ARHGEF18: variants seen among roughly 807,000 people sequenced by gnomAD.
ARHGEF18 encodes Rho/Rac guanine nucleotide exchange factor 18, also known as rho guanine nucleotide exchange factor 18.
A neutral mutation model predicts 155.7 loss-of-function variants in ARHGEF18; 93 were observed. That is an observed-to-expected ratio of 0.60 (90% confidence interval 0.50 to 0.71). The LOEUF (loss-of-function observed/expected upper bound fraction) is 0.71, where lower values mean the gene tolerates loss of function less well. ARHGEF18 is among the 30% of genes least tolerant of loss of function. The pLI is 0.00. For missense variants in ARHGEF18, 1,593 were observed against 1,816.1 expected (o/e 0.88, Z 2.23); for synonymous variants, 742 against 753.1 (o/e 0.99, Z 0.24).
chr19:7,451,367 C>A, intron 16 of ARHGEF18, 101 bp downstream of exon 16: 3 of 959,680 alleles, frequency 3.1e-6, no homozygotes, highest in South Asian at 3.3e-5. Flanking sequence ...AATAAATTCC[C>A]TTTGAAATCC....
At chr19:7,407,531 G>C (rs1338588943) in intron 10 of ARHGEF18, among the ~76,000 whole-genome samples, 1 of 152,044 alleles carries the variant, frequency 6.6e-6, no homozygotes, top group East Asian at 1.9e-4. Flanking sequence ...ACTTTGCACA[G>C]CGAATCCACT....
chr19:7,375,445 G>GAAAGA (rs1970416988), intron 3 of ARHGEF18, among the ~76,000 whole-genome samples: 3 of 147,886 alleles, frequency 2.0e-5, no homozygotes, highest in South Asian at 2.1e-4. Context: ...GAAAAGAAAA[G>GAAAGA]AAAGAAAAGA....
chr19:7,399,017 C>T (rs951085144), intron 10 of ARHGEF18, among the ~76,000 whole-genome samples: 21 of 152,218 alleles, frequency 1.4e-4, no homozygotes, highest in African/African-American at 5.1e-4. Flanking sequence ...TCTCTTCAAA[C>T]TCTATGACTT....
intron 10 of ARHGEF18, among the ~76,000 whole-genome samples, chr19:7,427,150 G>A (rs1226523209): frequency 1.3e-5 from 2 of 152,132 alleles, no homozygotes; most frequent in South Asian, 2.1e-4. Context: ...CAGGAAAGGC[G>A]CACACAGGAT....
chr19:7,454,133 A>G (rs1166986474), intron 17 of ARHGEF18, among the ~76,000 whole-genome samples: 1 of 146,138 alleles, frequency 6.8e-6, no homozygotes, highest in Non-Finnish European at 1.5e-5. Flanking sequence ...ACCATATTGG[A>G]TTGGTGGGTG....
intron 15 of ARHGEF18, among the ~76,000 whole-genome samples, chr19:7,450,322 G>A (rs1975297470): frequency 6.6e-6 from 1 of 152,130 alleles, no homozygotes; most frequent in Non-Finnish European, 1.5e-5. Context: ...GTTAATACAG[G>A]ATCTTGCTGT....
intron 2 of ARHGEF18, among the ~76,000 whole-genome samples, chr19:7,369,854 G>A (rs1970119960): frequency 6.6e-6 from 1 of 152,068 alleles, no homozygotes; most frequent in African/African-American, 2.4e-5. Flanking sequence ...ATGCAATTGT[G>A]CCACTGCACT....
intron 10 of ARHGEF18, among the ~76,000 whole-genome samples, chr19:7,397,457 T>C (rs1281629377): frequency 6.6e-6 from 1 of 150,926 alleles, no homozygotes; most frequent in Non-Finnish European, 1.5e-5. Context: ...TTGGGCCGGG[T>C]GCGGTGGCTC....
downstream of ARHGEF18, chr19:7,477,205 G>A (rs750342368): frequency 5.4e-5 from 81 of 1,493,096 alleles, no homozygotes; most frequent in Non-Finnish European, 6.1e-5. Flanking sequence ...GGCAGTGTCA[G>A]GGGGTAGTGG....
chr19:7,372,696 T>TG (rs1970260195), intron 2 of ARHGEF18, 116 bp from the exon 3 acceptor site: 1 of 1,074,536 alleles, frequency 9.3e-7, no homozygotes, highest in African/African-American at 1.6e-5. Flanking sequence ...GAGGGACAGG[T>TG]AGGGGACAGG....
Position 7,418,552 on chromosome 19 carries a change from T to C in ARHGEF18, c.968-21792T>C, listed in dbSNP as rs192226967. ...CTGTCACCTTCTTGCCACCTCAGCC[T>C]CCCAAAGTGCTGGGATTACAGGTGT... On this transcript the variant is annotated intron_variant, in intron 10 of 28. Coordinates refer to ENST00000668164, the MANE Select transcript of ARHGEF18 (RefSeq NM_001367823.1). 4.4e-3 allele frequency among the ~76,000 whole-genome samples: 664 copies of C among 152,166 alleles called. 4 individuals carry two copies. The highest frequency in any genetic ancestry group is 7.7e-3 in the Non-Finnish European group (521 of 67,996).
intron 15 of ARHGEF18, among the ~76,000 whole-genome samples, chr19:7,448,598 G>A (rs961677481): frequency 4.0e-4 from 60 of 151,508 alleles, no homozygotes; most frequent in Admixed American, 1.3e-3. Flanking sequence ...GAGGCGGAGC[G>A]TGCAGTGAGC....
At chr19:7,394,925 C>A in intron 10 of ARHGEF18, 1 of 435,176 alleles carries the variant, frequency 2.3e-6, no homozygotes, top group Non-Finnish European at 3.1e-6. Context: ...TCGCCCTCAC[C>A]CTCGCCGCGA....
rs1428572338 is a variant in ARHGEF18, at chr19:7,467,559, G to A, written c.3355G>A (p.Asp1119Asn). The change falls in exon 26 of 29, where the codon GAC becomes AAC. Residue 1119 changes from aspartate to asparagine, a missense_variant. Asp to Asn is a conservative substitution (Grantham distance 23, BLOSUM62 1). Transcript: ENST00000668164. ...GCGCCAGCGCCAGGCCTACCAGCAC[G>A]ACCTGGAGCGGCTGCGCGAGGCCCA... ...LERQRQAYQH[D>N]LERLREAQRA... The A allele has an allele frequency of 6.7e-7, 1 of 1,484,812 alleles. No individual in the cohort carries two copies. Among genetic ancestry groups the A allele is most frequent in the Non-Finnish European group, 8.9e-7 (1 of 1,126,752 alleles). 92.0% of individuals were successfully genotyped at this position (1,484,812 alleles called of 1,614,324 possible). A position where few individuals can be genotyped will look rare whatever the true frequency, so the allele number is the denominator to read the frequency against.
chr19:7,433,930 A>G (rs1212046848), intron 10 of ARHGEF18, among the ~76,000 whole-genome samples: 1 of 151,436 alleles, frequency 6.6e-6, no homozygotes, highest in African/African-American at 2.4e-5. Flanking sequence ...GAGGCAGGAG[A>G]ATCACTTGAA....
At chr19:7,357,162 T>G (rs1050137757) in intron 1 of ARHGEF18, among the ~76,000 whole-genome samples, 4 of 152,214 alleles carry the variant, frequency 2.6e-5, no homozygotes, top group Non-Finnish European at 4.4e-5. Context: ...CGATTCTGTG[T>G]GAGGCCACTT....
At chr19:7,415,426 AC>A (rs1483763522) in intron 10 of ARHGEF18, among the ~76,000 whole-genome samples, 6 of 150,716 alleles carry the variant, frequency 4.0e-5, no homozygotes, top group Non-Finnish European at 8.9e-5. Context: ...CCCTGCGTCC[AC>A]CAGCAACCCC....
Position 7,467,054 on chromosome 19 carries a change from C to G in ARHGEF18, c.2962-17C>G. 1 of 1,610,360 alleles carries G rather than the reference C, an allele frequency of 6.2e-7. No homozygotes were observed. The highest frequency in any genetic ancestry group is 8.5e-7 in the Non-Finnish European group (1 of 1,177,500). The stretch of plus-strand genomic sequence containing the variant: ...TCAGCCCGATAACTAGCATCAATCT[C>G]CCTCTCCTCTCCGCAGCTTGTCCAG... On this transcript the variant is annotated splice_polypyrimidine_tract_variant and intron_variant, in intron 24 of 28. Transcript: ENST00000668164.
Position 7,440,699 on chromosome 19 carries a change from G to A in ARHGEF18, c.1106+217G>A, listed in dbSNP as rs942156905. Among the ~76,000 whole-genome samples, 11 of 152,172 alleles carry A rather than the reference G, an allele frequency of 7.2e-5. No individual in the cohort carries two copies. Among genetic ancestry groups the A allele is most frequent in the African/African-American group, 2.7e-4 (11 of 41,452 alleles). ...CGGGGTGTATTCGGCCCCTGGTGGA[G>A]CCAGTTTGCTTAGTGCCCTCGAGGG... On this transcript the variant is annotated intron_variant, in intron 11 of 28. Transcript: ENST00000668164. The surrounding 1 kb of genome is among the most constrained non-coding windows in gnomAD (Gnocchi z 5.4).
Sources: allele counts gnomAD v4.1 joint callset (sites outside exome capture counted in the v4.1 genomes callset), GRCh38; gene constraint gnomAD v4.1.1; non-coding constraint Gnocchi (gnomAD v3.1); transcripts MANE v1.5; gene names NCBI Gene and HGNC (gene_info 2026-07-23, HGNC 2026-07-21).